Variants in NSD2 observed in about 807,000 individuals in gnomAD.
The protein encoded by NSD2 is nuclear receptor binding SET domain protein 2, also known as histone-lysine N-methyltransferase NSD2.
Under a neutral mutation model 139.0 loss-of-function variants are expected in NSD2, and 12 were observed. The ratio of observed to expected loss-of-function variants is 0.09; its 90% CI spans 0.06 to 0.14. NSD2 has a LOEUF of 0.14. NSD2 is among the 10% of genes least tolerant of loss of function. The probability of loss-of-function intolerance (pLI) is 1.00; values close to 1 mark genes in which losing one functional copy is unlikely to be tolerated. For missense variants in NSD2, 1,155 were observed against 1,745.0 expected (o/e 0.66, Z 6.02); for synonymous variants, 669 against 648.7 (o/e 1.03, Z -0.48).
At chr4:1,897,354 G>A (rs1432339746) in intron 1 of NSD2, among the ~76,000 whole-genome samples, 1 of 152,040 alleles carries the variant, frequency 6.6e-6, no homozygotes, top group Non-Finnish European at 1.5e-5. Flanking sequence ...GCATGGTGGG[G>A]TGCACCTATA....
chr4:1,872,617 A>T (rs961014490), intron 1 of NSD2, among the ~76,000 whole-genome samples: 1 of 145,846 alleles, frequency 6.9e-6, no homozygotes, highest in African/African-American at 2.5e-5. Context: ...AGAGAGAGAG[A>T]GAGAGAGAGA....
chr4:1,979,007 C>T lies in NSD2; in HGVS notation c.*98C>T, dbSNP rs950287294. 13 of 1,406,808 alleles carry T rather than the reference C, an allele frequency of 9.2e-6. No homozygotes were observed. Among genetic ancestry groups the T allele is most frequent in the African/African-American group, 5.8e-5 (4 of 69,014 alleles). The allele number at this position is 1,406,808 out of a possible 1,614,324, so 87.1% of individuals were successfully genotyped here. The stretch of plus-strand genomic sequence containing the variant: ...ATGAACTGGCCCGGAGGACCCAGCT[C>T]GAGCCGCCAGGACACAGACGTACAG... On this transcript the variant is annotated 3_prime_UTR_variant, in exon 22 of 22. Coordinates refer to ENST00000508803, the MANE Select transcript of NSD2 (RefSeq NM_001042424.3).
intron 1 of NSD2, among the ~76,000 whole-genome samples, chr4:1,897,375 C>T (rs956168952): frequency 3.9e-5 from 6 of 151,978 alleles, no homozygotes; most frequent in African/African-American, 1.5e-4. Context: ...GTCCCAGCTA[C>T]TCGGGAGGCT....
chr4:1,978,561 A>C, intron 21 of NSD2, 77 bp from the exon 22 acceptor site: 1 of 1,534,086 alleles, frequency 6.5e-7, no homozygotes, highest in East Asian at 2.3e-5. Context: ...GACAGTTGTA[A>C]GTCATCTTCA....
chr4:1,876,384 G>A (rs1714256302), intron 1 of NSD2, among the ~76,000 whole-genome samples: 1 of 152,056 alleles, frequency 6.6e-6, no homozygotes, highest in South Asian at 2.1e-4. Flanking sequence ...CTGAGTGATG[G>A]CCTCAGCTCA....
At chr4:1,945,215 G>A (rs1427877012) in intron 9 of NSD2, 3 of 1,067,064 alleles carry the variant, frequency 2.8e-6, no homozygotes. Context: ...TCAGGGACTG[G>A]GGAACAAGAC....
chr4:1,931,000 C>G (rs145618296), intron 6 of NSD2, among the ~76,000 whole-genome samples: 2 of 152,008 alleles, frequency 1.3e-5, no homozygotes, highest in African/African-American at 4.8e-5. Context: ...GCCTGTGGCT[C>G]CCTTGCTCTC....
At chr4:1,957,274 G>GT (rs974875179) in intron 15 of NSD2, among the ~76,000 whole-genome samples, 3 of 150,930 alleles carry the variant, frequency 2.0e-5, no homozygotes, top group African/African-American at 7.3e-5. Flanking sequence ...TCAGCTGCAT[G>GT]TTTTTTTGTT....
At chr4:1,938,412 C>CTTTGTTTTTTTTT in intron 7 of NSD2, 39 bp from the exon 8 acceptor site, 1 of 635,582 alleles carries the variant, frequency 1.6e-6, no homozygotes, top group Non-Finnish European at 2.0e-6. Context: ...TTTTTTTTTT[C>CTTTGTTTTTTTTT]TTTCTTTTTT....
At chr4:1,965,095 A>AATATGGCC (rs1725756320) in intron 18 of NSD2, among the ~76,000 whole-genome samples, 1 of 151,432 alleles carries the variant, frequency 6.6e-6, no homozygotes, top group Non-Finnish European at 1.5e-5. Flanking sequence ...GAGACAGGAA[A>AATATGGCC]ATATGGCCAT....
At chr4:1,886,477 G>T (rs1715118568) in intron 1 of NSD2, among the ~76,000 whole-genome samples, 1 of 152,146 alleles carries the variant, frequency 6.6e-6, no homozygotes, top group Non-Finnish European at 1.5e-5. Context: ...AAAGTTCTGG[G>T]ATTACGGACT....
chr4:1,885,120 A>T (rs528047659), intron 1 of NSD2, among the ~76,000 whole-genome samples: 29 of 149,078 alleles, frequency 1.9e-4, no homozygotes, highest in South Asian at 8.3e-4. Context: ...CAAAAAAAAA[A>T]AATAAAAATA....
chr4:1,889,358 T>C (rs1715359808), intron 1 of NSD2, among the ~76,000 whole-genome samples: 1 of 152,066 alleles, frequency 6.6e-6, no homozygotes, highest in Non-Finnish European at 1.5e-5. Context: ...CACACCCAGC[T>C]AACTTTTTTA....
intron 3 of NSD2, among the ~76,000 whole-genome samples, chr4:1,915,111 CTT>C (rs781255847): frequency 2.6e-5 from 3 of 115,542 alleles, no homozygotes; most frequent in African/African-American, 3.5e-5. Context: ...CTTTTTTTCT[CTT>C]TTTTTTTTTT....
At chr4:1,887,976 C>G (rs1715241289) in intron 1 of NSD2, among the ~76,000 whole-genome samples, 2 of 151,990 alleles carry the variant, frequency 1.3e-5, no homozygotes, top group Non-Finnish European at 2.9e-5. Context: ...TTGGACTCCT[C>G]CCTATTCTGC....
At chr4:1,940,761 A>G (rs1560714288) in intron 9 of NSD2, 2 of 1,060,248 alleles carry the variant, frequency 1.9e-6, no homozygotes, top group Non-Finnish European at 2.3e-6. Context: ...GGTCTCTGCC[A>G]TGGTCCCCAG....
chr4:1,959,231 C>T (rs1725128357), intron 16 of NSD2, among the ~76,000 whole-genome samples: 1 of 152,142 alleles, frequency 6.6e-6, no homozygotes, highest in Non-Finnish European at 1.5e-5. Flanking sequence ...TGCACAGACA[C>T]TAAGATAAAA....
At chr4:1,914,594 G>A (rs980296158) in intron 3 of NSD2, among the ~76,000 whole-genome samples, 1 of 152,130 alleles carries the variant, frequency 6.6e-6, no homozygotes, top group African/African-American at 2.4e-5. Flanking sequence ...CCGAAGTGCT[G>A]GGATTACAGG....
intron 1 of NSD2, among the ~76,000 whole-genome samples, chr4:1,883,347 C>G (rs1272832013): frequency 1.3e-5 from 2 of 151,722 alleles, no homozygotes; most frequent in Non-Finnish European, 2.9e-5. Flanking sequence ...ACCCCCTCTG[C>G]AGGGCTGGGC....
Sources: allele counts gnomAD v4.1 joint callset (sites outside exome capture counted in the v4.1 genomes callset), GRCh38; gene constraint gnomAD v4.1.1; transcripts MANE v1.5; gene names NCBI Gene and HGNC (gene_info 2026-07-23, HGNC 2026-07-21).